FOCAD: variants seen among roughly 807,000 people sequenced by gnomAD.
The protein encoded by FOCAD is KIAA1797.
FOCAD carries 198 observed loss-of-function variants against 225.6 expected under a neutral mutation model. That is an observed-to-expected ratio of 0.88 (90% CI 0.78 to 0.99). FOCAD has a LOEUF of 0.99. Ranked by LOEUF, FOCAD falls within the 50% of genes least tolerant of loss-of-function variation. FOCAD has a pLI of 0.00. For synonymous variants in FOCAD, 897 were observed against 755.0 expected, an observed-to-expected ratio of 1.19 and a Z score of -3.08; for missense variants, 2,713 against 2,123.6, an observed-to-expected ratio of 1.28 and a Z score of -5.46.
Position 20,874,707 on chromosome 9 carries a change from A to T in FOCAD, c.2217A>T (p.Glu739Asp), listed in dbSNP as rs778758761. The T allele has an allele frequency of 1.4e-5, 23 of 1,613,458 alleles. No homozygotes were observed. Among genetic ancestry groups the T allele is most frequent in the Non-Finnish European group, 1.3e-5 (15 of 1,179,670 alleles). ...EKIRPEIPIP[E>D]ELDDDEDVED... The stretch of plus-strand genomic sequence containing the variant: ...TAAGACCAGAAATTCCCATTCCTGA[A>T]GAGTTAGATGACGATGAAGATGTTG... The change falls in exon 19 of 44, where the codon GAA becomes GAT. Residue 739 changes from glutamate to aspartate, a missense_variant. Coordinates refer to ENST00000338382, the MANE Select transcript of FOCAD (RefSeq NM_001375567.1).
intron 15 of FOCAD, among the ~76,000 whole-genome samples, chr9:20,857,617 G>T (rs1039771409): frequency 6.6e-6 from 1 of 151,644 alleles, no homozygotes; most frequent in Non-Finnish European, 1.5e-5. Flanking sequence ...AGGATTTTCT[G>T]TATTATGTTG....
At chr9:20,943,034 A>G (rs1187708035) in intron 28 of FOCAD, among the ~76,000 whole-genome samples, 2 of 152,228 alleles carry the variant, frequency 1.3e-5, no homozygotes, top group African/African-American at 2.4e-5. Flanking sequence ...CTTTGGTCTA[A>G]TTCTGTCAAA....
At chr9:20,828,184 A>T (rs1381418546) in intron 15 of FOCAD, among the ~76,000 whole-genome samples, 1 of 151,744 alleles carries the variant, frequency 6.6e-6, no homozygotes, top group East Asian at 1.9e-4. Flanking sequence ...GAAAAAGTAG[A>T]TTTTAAGTAT....
At chr9:20,721,624 C>A (rs1199385788) in intron 4 of FOCAD, among the ~76,000 whole-genome samples, 1 of 152,000 alleles carries the variant, frequency 6.6e-6, no homozygotes, top group Admixed American at 6.6e-5. Flanking sequence ...ATCACTTGAA[C>A]CCAGGAGGTG....
intron 11 of FOCAD, among the ~76,000 whole-genome samples, chr9:20,816,265 C>A (rs1823718644): frequency 6.6e-6 from 1 of 152,052 alleles, no homozygotes; most frequent in African/African-American, 2.4e-5. Flanking sequence ...TACTCATTGC[C>A]CTTCTAAAAA....
chr9:20,786,957 A>C (rs184095169), intron 10 of FOCAD: 1 of 473,696 alleles, frequency 2.1e-6, no homozygotes, highest in African/African-American at 2.0e-5. Flanking sequence ...CCCTCAGGCT[A>C]TGGGGCCAGG....
At chr9:20,777,898 C>T (rs1242515337) in intron 8 of FOCAD, among the ~76,000 whole-genome samples, 2 of 151,530 alleles carry the variant, frequency 1.3e-5, no homozygotes, top group East Asian at 1.9e-4. Context: ...GTCAGGAGAT[C>T]GAGACCACGG....
chr9:20,713,416 G>T (rs1346358676), intron 1 of FOCAD, among the ~76,000 whole-genome samples: 1 of 152,118 alleles, frequency 6.6e-6, no homozygotes, highest in Non-Finnish European at 1.5e-5. Context: ...CTTTAAGTCT[G>T]TTCACATGCC....
chr9:20,688,084 A>G (rs1293514903), intron 1 of FOCAD, among the ~76,000 whole-genome samples: 2 of 152,346 alleles, frequency 1.3e-5, no homozygotes, highest in Non-Finnish European at 1.5e-5. Context: ...TAAAAAGTAA[A>G]CAAGGGTAAA....
intron 25 of FOCAD, among the ~76,000 whole-genome samples, chr9:20,923,991 C>A (rs1034653307): frequency 6.6e-6 from 1 of 152,052 alleles, no homozygotes; most frequent in African/African-American, 2.4e-5. Context: ...TTTGAAGGTG[C>A]CAATTTTATG....
intron 4 of FOCAD, among the ~76,000 whole-genome samples, chr9:20,721,707 C>T (rs945814077): frequency 3.3e-5 from 5 of 152,140 alleles, no homozygotes; most frequent in African/African-American, 9.6e-5. Context: ...ATCTTAACAA[C>T]AACAACAAAA....
At chr9:20,797,850 C>A (rs1490516943) in intron 11 of FOCAD, among the ~76,000 whole-genome samples, 1 of 152,110 alleles carries the variant, frequency 6.6e-6, no homozygotes, top group South Asian at 2.1e-4. Context: ...CCTTCTTCTG[C>A]CTGATTGCCC....
intron 2 of FOCAD, chr9:20,715,983 C>G (rs1825297958): frequency 3.8e-6 from 1 of 260,542 alleles, no homozygotes; most frequent in African/African-American, 2.2e-5. Flanking sequence ...ATCATAATAG[C>G]TTATTGTCTT....
At chr9:20,664,510 A>G (rs1012180147) in intron 2 of FOCAD, among the ~76,000 whole-genome samples, 1 of 152,002 alleles carries the variant, frequency 6.6e-6, no homozygotes, top group Non-Finnish European at 1.5e-5. Flanking sequence ...TTATAAGTTT[A>G]TAATATATTC....
intron 15 of FOCAD, among the ~76,000 whole-genome samples, chr9:20,830,979 T>C (rs1168840889): frequency 6.6e-6 from 1 of 152,110 alleles, no homozygotes; most frequent in African/African-American, 2.4e-5. Context: ...ATGCCTGGCC[T>C]ATGACTACCT....
intron 42 of FOCAD, among the ~76,000 whole-genome samples, chr9:20,991,669 C>T (rs992164379): frequency 4.6e-5 from 7 of 152,026 alleles, no homozygotes; most frequent in African/African-American, 7.2e-5. Context: ...AAGAATTAGA[C>T]GAGTGTGGTG....
At chr9:20,839,554 A>T (rs1277442568) in intron 15 of FOCAD, among the ~76,000 whole-genome samples, 1 of 151,942 alleles carries the variant, frequency 6.6e-6, no homozygotes, top group Non-Finnish European at 1.5e-5. Flanking sequence ...AGCCACTGCA[A>T]CCAGCCTGAA....
chr9:20,850,299 ATTTTAT>A (rs1198166562), intron 15 of FOCAD, among the ~76,000 whole-genome samples: 1 of 151,706 alleles, frequency 6.6e-6, no homozygotes, highest in Non-Finnish European at 1.5e-5. Context: ...ACATTGTATT[ATTTTAT>A]TTTTATTTTT....
rs188851434 is a variant in FOCAD at position 20,698,126 on chromosome 9, T to C, written c.-33+13833T>C. Among the ~76,000 whole-genome samples the C allele has an allele frequency of 3.9e-5, 6 of 152,364 alleles. No individual in the cohort carries two copies. In the East Asian group the frequency reaches 1.2e-3, roughly 29 times the overall value. ...AAGATCACTTTTTTTAAAATTGCAA[T>C]TAAACATTTTATTTTTTTATTTGAG... On this transcript the variant is annotated intron_variant, in intron 1 of 43. Transcript: ENST00000338382.
Sources: allele counts gnomAD v4.1 joint callset (sites outside exome capture counted in the v4.1 genomes callset), GRCh38; gene constraint gnomAD v4.1.1; transcripts MANE v1.5; gene names NCBI Gene and HGNC (gene_info 2026-07-23, HGNC 2026-07-21).